Variants in EOGT observed in about 807,000 individuals in gnomAD.
The protein encoded by EOGT is EGF domain specific O-linked N-acetylglucosamine transferase.
A neutral mutation model predicts 70.5 loss-of-function variants in EOGT; 55 were observed. That is an observed-to-expected ratio of 0.78 (90% CI 0.63 to 0.98). EOGT has a LOEUF of 0.98. Among genes scored for constraint, EOGT ranks in the 50% least tolerant of loss-of-function variants. The pLI is 0.00. For synonymous variants in EOGT, 246 were observed against 217.1 expected, an observed-to-expected ratio of 1.13 and a Z score of -1.17; for missense variants, 703 against 641.9, an observed-to-expected ratio of 1.10 and a Z score of -1.03.
intron 15 of EOGT, among the ~76,000 whole-genome samples, chr3:68,980,129 G>A (rs1283946270): frequency 2.0e-5 from 3 of 152,070 alleles, no homozygotes; most frequent in East Asian, 1.9e-4. Context: ...TGTTCAAATC[G>A]AGGTAGATAC....
At position 69,007,799 on chromosome 3, in the gene EOGT, C is replaced by T. The variant is rs200038187; in HGVS notation, c.334G>A (p.Glu112Lys). The T allele has an allele frequency of 4.7e-5, 75 of 1,612,196 alleles. No individual in the cohort carries two copies. The highest frequency in any genetic ancestry group is 1.0e-4 in the Admixed American group (6 of 59,818). The change falls in exon 6 of 18, where the codon GAG becomes AAG. Residue 112 changes from glutamate (E) to lysine (K), a missense_variant. Physicochemically the swap from Glu to Lys is moderately conservative, Grantham distance 56. Coordinates refer to ENST00000383701, the MANE Select transcript of EOGT (RefSeq NM_001278689.2). The part of the protein sequence containing the change: ...MGWTDTLESA[E>K]DIFWKQADFG... The stretch of plus-strand genomic sequence containing the variant: ...TCAGCTTGTTTCCAAAATATGTCCT[C>T]AGCTGACTCAAGAGTGTCCGTCCTA...
chr3:69,001,398 A>C (rs999327767), intron 9 of EOGT, among the ~76,000 whole-genome samples: 1 of 152,188 alleles, frequency 6.6e-6, no homozygotes, highest in Non-Finnish European at 1.5e-5. Context: ...CCTTTGATAT[A>C]AATGTGAAAG....
chr3:68,981,009 G>C (rs1049056744), intron 15 of EOGT, among the ~76,000 whole-genome samples: 2 of 152,150 alleles, frequency 1.3e-5, no homozygotes, highest in Non-Finnish European at 2.9e-5. Context: ...TAGGTGAATG[G>C]TTTTGGGACT....
At chr3:68,997,956 A>T in intron 10 of EOGT, 55 bp downstream of exon 10, 1 of 1,021,536 alleles carries the variant, frequency 9.8e-7, no homozygotes, top group Non-Finnish European at 1.5e-6. Flanking sequence ...CATCAGAGTC[A>T]CACACTGATA....
At chr3:68,982,209 T>C (rs886113856) in intron 15 of EOGT, among the ~76,000 whole-genome samples, 7 of 152,164 alleles carry the variant, frequency 4.6e-5, no homozygotes, top group Non-Finnish European at 1.0e-4. Flanking sequence ...GTGGCCAGTC[T>C]GCCAATTTTT....
chr3:68,984,558 T>C (rs1380868645), intron 14 of EOGT, among the ~76,000 whole-genome samples: 4 of 152,198 alleles, frequency 2.6e-5, no homozygotes, highest in East Asian at 1.9e-4. Context: ...GATTAATACA[T>C]ACCTGTTTAT....
At chr3:69,008,942 A>C (rs994951333) in intron 4 of EOGT, among the ~76,000 whole-genome samples, 3 of 152,246 alleles carry the variant, frequency 2.0e-5, no homozygotes, top group African/African-American at 7.2e-5. Context: ...TTCACTTAGC[A>C]ATCAAGATCA....
At chr3:68,999,368 G>A (rs376824984) in intron 9 of EOGT, among the ~76,000 whole-genome samples, 1 of 152,126 alleles carries the variant, frequency 6.6e-6, no homozygotes. Flanking sequence ...CTCCACTTAG[G>A]TATGCAGGAC....
intron 10 of EOGT, 134 bp downstream of exon 10, chr3:68,997,877 G>T: frequency 1.7e-6 from 1 of 596,230 alleles, no homozygotes; most frequent in Non-Finnish European, 3.0e-6. Flanking sequence ...AGATACATTC[G>T]CACCCATCCG....
chr3:68,978,333 C>T lies in EOGT; in HGVS notation c.1437G>A (p.Lys479=), dbSNP rs750418671. The T allele has an allele frequency of 8.1e-6, 13 of 1,608,974 alleles. No homozygotes were observed. Among genetic ancestry groups the T allele is most frequent in the Non-Finnish European group, 1.1e-5 (13 of 1,177,584 alleles). Residue 479 remains lysine, a splice_region_variant and synonymous_variant, in exon 17 of 18, where the codon AAG becomes AAA. Transcript: ENST00000383701. ...GGTAAGTTTTGTGATTGAACTTTAC[C>T]TTATCCTGAGGAAAGACTTTGTTCT... ...RRQNKVFPQD[K]GHHPTLGEHP...
At position 68,976,307 on chromosome 3, in the gene EOGT, C is replaced by G. The variant is rs80297124; in HGVS notation, c.*1311G>C. ...TTTCATGCTGACAGAGGTAGACGCA[C>G]ACGCACTGGTATATGCAGTTACAAA... On this transcript the variant is annotated 3_prime_UTR_variant, in exon 18 of 18. Transcript: ENST00000383701. 6.6e-6 allele frequency: 1 copy of G among 152,158 alleles called. No individual in the cohort carries two copies. The highest frequency in any genetic ancestry group is 1.5e-5 in the Non-Finnish European group (1 of 68,032). The allele number at this position is 152,158 out of a possible 1,614,324, so 9.4% of individuals were successfully genotyped here. A position where few individuals can be genotyped will look rare whatever the true frequency, so the allele number is the denominator to read the frequency against.
chr3:68,982,349 G>A (rs111464637), intron 15 of EOGT, among the ~76,000 whole-genome samples: 1,706 of 151,092 alleles, frequency 0.011, 28 homozygotes, highest in East Asian at 0.042. Flanking sequence ...GTGAAACCTC[G>A]TCTCTACAAA....
intron 10 of EOGT, among the ~76,000 whole-genome samples, chr3:68,995,929 C>G (rs1297238895): frequency 6.6e-6 from 1 of 152,074 alleles, no homozygotes; most frequent in Non-Finnish European, 1.5e-5. Flanking sequence ...AACTCAAGTC[C>G]ACGGGGGTCA....
At chr3:69,005,289 C>A in intron 6 of EOGT, 55 bp from the exon 7 acceptor site, 1 of 983,072 alleles carries the variant, frequency 1.0e-6, no homozygotes, top group South Asian at 1.4e-5. Context: ...AGCAAAGACT[C>A]ATCCGGACTT....
intron 14 of EOGT, among the ~76,000 whole-genome samples, chr3:68,983,514 C>T (rs756164725): frequency 1.3e-5 from 2 of 152,252 alleles, no homozygotes; most frequent in Non-Finnish European, 2.9e-5. Context: ...GGATCACCAC[C>T]ATTCAGAAAT....
At chr3:68,980,162 C>G (rs2090597998) in intron 15 of EOGT, among the ~76,000 whole-genome samples, 2 of 152,124 alleles carry the variant, frequency 1.3e-5, no homozygotes, top group African/African-American at 2.4e-5. Flanking sequence ...AAGCTCAGAG[C>G]CTGAGGCCTG....
intron 8 of EOGT, among the ~76,000 whole-genome samples, chr3:69,003,776 T>C (rs528587528): frequency 6.6e-6 from 1 of 152,344 alleles, no homozygotes; most frequent in African/African-American, 2.4e-5. Context: ...CTGACAATGT[T>C]CTATTTTTGG....
chr3:69,000,684 CCTGTCT>C (rs2091271896), intron 9 of EOGT, among the ~76,000 whole-genome samples: 1 of 152,092 alleles, frequency 6.6e-6, no homozygotes, highest in Admixed American at 6.6e-5. Context: ...CACAGTAATC[CCTGTCT>C]CTCATAATGA....
intron 4 of EOGT, among the ~76,000 whole-genome samples, chr3:69,009,187 G>T (rs777189950): frequency 6.6e-6 from 1 of 152,096 alleles, no homozygotes; most frequent in African/African-American, 2.4e-5. Context: ...TCCTATTTGA[G>T]GCCTTTCCAA....
Sources: gnomAD v4.1 joint callset for allele counts (sites outside exome capture counted in the v4.1 genomes callset) on GRCh38, gnomAD v4.1.1 for gene constraint, MANE v1.5 for transcripts, NCBI Gene and HGNC (gene_info 2026-07-23, HGNC 2026-07-21) for gene names.